Variants in ROBO2 observed in about 807,000 individuals in gnomAD.
ROBO2 encodes roundabout homolog 2.
ROBO2 carries 53 observed loss-of-function variants against 160.8 expected under a neutral mutation model. The observed-to-expected ratio is 0.33, with a 90% confidence interval of 0.26 to 0.41. The LOEUF is 0.41. Among genes scored for constraint, ROBO2 ranks in the 10% least tolerant of loss-of-function variants. The pLI, the probability that ROBO2 is intolerant of heterozygous loss-of-function variation, is 1.00. For synonymous variants in ROBO2, 664 were observed against 611.7 expected, an observed-to-expected ratio of 1.09 and a Z score of -1.26; for missense variants, 1,577 against 1,722.4, an observed-to-expected ratio of 0.92 and a Z score of 1.49.
chr3:76,027,875 A>G (rs2066795303), intron 2 of ROBO2, among the ~76,000 whole-genome samples: 1 of 151,988 alleles, frequency 6.6e-6, no homozygotes, highest in African/African-American at 2.4e-5. Flanking sequence ...TAAATCTGAC[A>G]ATCCTATGTT....
chr3:77,165,584 A>T (rs182579314), intron 2 of ROBO2, among the ~76,000 whole-genome samples: 2 of 151,736 alleles, frequency 1.3e-5, no homozygotes, highest in Non-Finnish European at 2.9e-5. Flanking sequence ...AAAAAAAATC[A>T]GTGATAATTT....
rs548433789 is a variant in ROBO2 at position 76,821,116 on chromosome 3, G to A, written c.110-276898G>A. On this transcript the variant is annotated intron_variant, in intron 2 of 26. Transcript: ENST00000487694. The stretch of plus-strand genomic sequence containing the variant: ...TAACATTCAGGAAATAATCTTCTGC[G>A]TATTGTCAAAACAATCGAAAAAATA... 4.6e-5 allele frequency among the ~76,000 whole-genome samples: 7 copies of A among 151,926 alleles called. No individual in the cohort carries two copies. In the South Asian group the frequency reaches 6.2e-4, roughly 14 times the overall value.
At chr3:77,593,318 T>A (rs1314245689) in intron 17 of ROBO2, among the ~76,000 whole-genome samples, 1 of 152,174 alleles carries the variant, frequency 6.6e-6, no homozygotes, top group Non-Finnish European at 1.5e-5. Flanking sequence ...ATTTAATATC[T>A]CCAGTGCTCA....
At chr3:76,040,052 A>T (rs566026270) in intron 2 of ROBO2, among the ~76,000 whole-genome samples, 1 of 152,068 alleles carries the variant, frequency 6.6e-6, no homozygotes, top group South Asian at 2.1e-4. Context: ...GTGCAGAGAA[A>T]ACTTCTGAAG....
intron 2 of ROBO2, among the ~76,000 whole-genome samples, chr3:77,151,568 T>C (rs1197954474): frequency 6.6e-6 from 1 of 152,180 alleles, no homozygotes; most frequent in African/African-American, 2.4e-5. Context: ...GACAGCTTTC[T>C]GTTAACATAC....
At chr3:76,455,248 G>T (rs1276061179) in intron 2 of ROBO2, among the ~76,000 whole-genome samples, 1 of 152,008 alleles carries the variant, frequency 6.6e-6, no homozygotes, top group Admixed American at 6.6e-5. Context: ...AATTAGTTTG[G>T]CACTGAGCTA....
chr3:77,559,693 T>C (rs2093256640), intron 9 of ROBO2, among the ~76,000 whole-genome samples: 3 of 152,238 alleles, frequency 2.0e-5, no homozygotes, highest in South Asian at 4.1e-4. Flanking sequence ...ATGTTTACAA[T>C]TATATGTTTA....
intron 2 of ROBO2, among the ~76,000 whole-genome samples, chr3:76,369,381 G>C (rs1310047615): frequency 6.6e-6 from 1 of 152,014 alleles, no homozygotes; most frequent in Non-Finnish European, 1.5e-5. Context: ...TTTCTTCAGA[G>C]TTCTGCCACT....
intron 1 of ROBO2, among the ~76,000 whole-genome samples, chr3:77,083,899 T>G (rs1321572524): frequency 6.6e-6 from 1 of 152,044 alleles, no homozygotes; most frequent in Admixed American, 6.6e-5. Flanking sequence ...CCTAGAACTT[T>G]CCTTAGCTGG....
At chr3:77,215,564 C>T (rs1259731138) in intron 2 of ROBO2, among the ~76,000 whole-genome samples, 1 of 152,150 alleles carries the variant, frequency 6.6e-6, no homozygotes, top group Non-Finnish European at 1.5e-5. Flanking sequence ...CATCTGAAGC[C>T]TTCCTCTCTC....
At chr3:77,434,073 A>C (rs1581910018) in intron 2 of ROBO2, among the ~76,000 whole-genome samples, 1 of 151,652 alleles carries the variant, frequency 6.6e-6, no homozygotes, top group Non-Finnish European at 1.5e-5. Context: ...CTTTTCCCTG[A>C]CCTCCTTTTA....
At chr3:76,277,788 A>G (rs1395355074) in intron 2 of ROBO2, among the ~76,000 whole-genome samples, 2 of 151,978 alleles carry the variant, frequency 1.3e-5, no homozygotes, top group African/African-American at 4.8e-5. Flanking sequence ...TTATTCTCAT[A>G]TATATTAAAA....
intron 1 of ROBO2, among the ~76,000 whole-genome samples, chr3:77,096,452 CTTTT>C (rs535870944): frequency 7.0e-6 from 1 of 142,882 alleles, no homozygotes. Flanking sequence ...TTTTCTTTTT[CTTTT>C]TTTTTTTTTG....
At chr3:76,945,145 C>T (rs1300508971) in intron 2 of ROBO2, among the ~76,000 whole-genome samples, 1 of 152,078 alleles carries the variant, frequency 6.6e-6, no homozygotes, top group Non-Finnish European at 1.5e-5. Context: ...GCCTCCGCCT[C>T]CCAATGTGCT....
intron 2 of ROBO2, among the ~76,000 whole-genome samples, chr3:77,240,087 T>A (rs9852515): frequency 3.9e-5 from 6 of 152,132 alleles, no homozygotes; most frequent in Admixed American, 1.3e-4. Context: ...CATGCTGCGC[T>A]CCTGCACTCC....
intron 2 of ROBO2, among the ~76,000 whole-genome samples, chr3:77,347,931 A>G (rs1306010229): frequency 1.3e-5 from 2 of 152,062 alleles, no homozygotes; most frequent in Non-Finnish European, 2.9e-5. Context: ...ATCATTTCTC[A>G]TGGATTTCAC....
At chr3:77,211,221 CCTATTTCT>C (rs1346375360) in intron 2 of ROBO2, among the ~76,000 whole-genome samples, 3 of 152,142 alleles carry the variant, frequency 2.0e-5, no homozygotes, top group South Asian at 4.1e-4. Context: ...TAAAAGTGTT[CCTATTTCT>C]CCACATCCTC....
At chr3:76,992,328 T>C (rs1347275641) in intron 2 of ROBO2, among the ~76,000 whole-genome samples, 1 of 3,340 alleles carries the variant, frequency 3.0e-4, no homozygotes, top group Non-Finnish European at 6.2e-4. Flanking sequence ...TGTATTACTA[T>C]ATATATATAT....
At chr3:76,434,787 CA>C (rs1243113387) in intron 2 of ROBO2, 12 of 1,316,960 alleles carry the variant, frequency 9.1e-6, no homozygotes, top group South Asian at 3.5e-5. Context: ...GCAGATTAAT[CA>C]GGGGGAGAGC....
Sources: gnomAD v4.1 joint callset for allele counts (sites outside exome capture counted in the v4.1 genomes callset) on GRCh38, gnomAD v4.1.1 for gene constraint, MANE v1.5 for transcripts, NCBI Gene and HGNC (gene_info 2026-07-23, HGNC 2026-07-21) for gene names.